Variants in TPTE observed in about 807,000 individuals in gnomAD.
TPTE encodes the protein putative tyrosine-protein phosphatase TPTE.
In TPTE, 59 loss-of-function variants were observed where a neutral mutation model predicts 84.1. The observed-to-expected ratio is 0.70, with a 90% CI of 0.57 to 0.87. The LOEUF (loss-of-function observed/expected upper bound fraction) is 0.87. TPTE is among the 40% of genes least tolerant of loss of function. The probability of loss-of-function intolerance (pLI) is 0.00; values close to 1 mark genes in which losing one functional copy is unlikely to be tolerated. For missense variants in TPTE, 382 were observed against 659.6 expected, an observed-to-expected ratio of 0.58 and a Z score of 4.61; for synonymous variants, 130 against 223.5, an observed-to-expected ratio of 0.58 and a Z score of 3.73.
At chr21:10,552,080 A>G (rs1229309408) in intron 7 of TPTE, among the ~76,000 whole-genome samples, 1 of 152,312 alleles carries the variant, frequency 6.6e-6, no homozygotes, top group East Asian at 1.9e-4. Context: ...GTCAGCAGCC[A>G]TGAACATGGA....
At chr21:10,538,611 C>A in intron 3 of TPTE, 70 bp from the exon 4 acceptor site, 2 of 1,607,624 alleles carry the variant, frequency 1.2e-6, no homozygotes. Flanking sequence ...TTAATGAAAG[C>A]TAGTTTTACC....
At chr21:10,572,808 G>A (rs1342591225) in intron 14 of TPTE, among the ~76,000 whole-genome samples, 1 of 152,300 alleles carries the variant, frequency 6.6e-6, no homozygotes, top group Non-Finnish European at 1.5e-5. Flanking sequence ...AAACACAAAC[G>A]TGTAAAACTC....
At chr21:10,534,832 C>T (rs553487490) in intron 3 of TPTE, among the ~76,000 whole-genome samples, 1 of 152,428 alleles carries the variant, frequency 6.6e-6, no homozygotes, top group East Asian at 1.9e-4. Flanking sequence ...AAGTCTACTT[C>T]TTCCTAGCTG....
At chr21:10,532,285 G>T (rs1188284109) in intron 3 of TPTE, among the ~76,000 whole-genome samples, 10 of 152,416 alleles carry the variant, frequency 6.6e-5, no homozygotes, top group Admixed American at 2.0e-4. Flanking sequence ...TTCCATCTAA[G>T]TTTTCACATT....
chr21:10,597,625 C>T (rs1350064112), intron 20 of TPTE, among the ~76,000 whole-genome samples: 29 of 152,382 alleles, frequency 1.9e-4, no homozygotes, highest in Middle Eastern at 3.4e-3. Context: ...ATCTAGGCCA[C>T]GCTGGTTTAG....
chr21:10,545,732 T>C (rs1233732060), intron 7 of TPTE, among the ~76,000 whole-genome samples: 1 of 151,844 alleles, frequency 6.6e-6, no homozygotes, highest in Non-Finnish European at 1.5e-5. Context: ...TATAGATATA[T>C]AAATATGTAT....
At chr21:10,597,877 C>T (rs1315830274) in intron 20 of TPTE, 138 bp from the exon 21 acceptor site, 8 of 1,225,924 alleles carry the variant, frequency 6.5e-6, no homozygotes, top group African/African-American at 3.0e-5. Flanking sequence ...AAAATCCATG[C>T]AAGACCAAAT....
At chr21:10,604,812 T>A (rs1177414001) in intron 23 of TPTE, among the ~76,000 whole-genome samples, 3 of 152,308 alleles carry the variant, frequency 2.0e-5, no homozygotes, top group Non-Finnish European at 2.9e-5. Context: ...TATTCTTATT[T>A]TATATAAATT....
chr21:10,539,511 A>G (rs1460183468), intron 4 of TPTE, among the ~76,000 whole-genome samples: 4 of 152,310 alleles, frequency 2.6e-5, no homozygotes, highest in Non-Finnish European at 5.9e-5. Flanking sequence ...AGTTGAATTT[A>G]AAAGAAATTC....
chr21:10,541,496 A>G (rs1450832485), intron 5 of TPTE, among the ~76,000 whole-genome samples: 2 of 151,772 alleles, frequency 1.3e-5, no homozygotes, highest in East Asian at 1.9e-4. Context: ...AAAAAGATGC[A>G]CACACACACA....
intron 10 of TPTE, among the ~76,000 whole-genome samples, chr21:10,564,715 C>T (rs903099042): frequency 5.9e-5 from 9 of 152,416 alleles, no homozygotes; most frequent in South Asian, 4.1e-4. Context: ...TCAATCAATG[C>T]GATACATTAT....
intron 3 of TPTE, among the ~76,000 whole-genome samples, chr21:10,537,305 A>G (rs1271907285): frequency 6.6e-6 from 1 of 152,304 alleles, no homozygotes; most frequent in Non-Finnish European, 1.5e-5. Context: ...ATACATATAT[A>G]TATTTAAATT....
At chr21:10,546,996 T>A (rs1007834391) in intron 7 of TPTE, among the ~76,000 whole-genome samples, 1 of 152,308 alleles carries the variant, frequency 6.6e-6, no homozygotes, top group East Asian at 1.9e-4. Flanking sequence ...TAGCCTTTTA[T>A]TGGAAGAAGA....
chr21:10,523,153 C>G (rs1316833954), intron 1 of TPTE, among the ~76,000 whole-genome samples: 3 of 152,302 alleles, frequency 2.0e-5, no homozygotes, highest in African/African-American at 7.2e-5. Context: ...AATAATAATC[C>G]TCTCCATTAC....
intron 10 of TPTE, among the ~76,000 whole-genome samples, chr21:10,564,213 A>T (rs2074868164): frequency 6.6e-6 from 1 of 152,304 alleles, no homozygotes; most frequent in South Asian, 2.1e-4. Context: ...CTCTTCTCCC[A>T]TAAAGACACA....
intron 3 of TPTE, among the ~76,000 whole-genome samples, chr21:10,530,437 C>T (rs2074157654): frequency 1.3e-5 from 2 of 152,308 alleles, no homozygotes; most frequent in Admixed American, 6.5e-5. Flanking sequence ...TTTAAATTTA[C>T]TTAAATGGTA....
Position 10,598,071 on chromosome 21 carries a change from A to AC in TPTE, c.1334dup (p.Ile446TyrfsTer10). On this transcript the variant is annotated frameshift_variant, in exon 21 of 24. Coordinates refer to ENST00000618007, the MANE Select transcript of TPTE (RefSeq NM_199261.4). LOFTEE classifies it high-confidence loss of function. Reference sequence around the variant, plus strand: ...AATGGAGAAAAAGGTTGTCTTTTCCACTATTTCATTAGGAAAATGTTCGGT... The same window carrying AC: ...AATGGAGAAAAAGGTTGTCTTTTCCACCTATTTCATTAGGAAAATGTTCGGT... 1 of 1,613,818 alleles carries AC rather than the reference A, an allele frequency of 6.2e-7. No homozygotes were observed. The highest frequency in any genetic ancestry group is 8.5e-7 in the Non-Finnish European group (1 of 1,179,728).
chr21:10,598,922 C>G (rs1210596904), intron 21 of TPTE, among the ~76,000 whole-genome samples: 2 of 152,306 alleles, frequency 1.3e-5, no homozygotes, highest in African/African-American at 4.8e-5. Flanking sequence ...AGGCCTGACC[C>G]TTGGCTTTGT....
At chr21:10,525,419 C>T (rs553634440) in intron 2 of TPTE, among the ~76,000 whole-genome samples, 1 of 152,424 alleles carries the variant, frequency 6.6e-6, no homozygotes, top group East Asian at 1.9e-4. Flanking sequence ...AGATTTTGGC[C>T]TCTGAAACAT....
Sources: allele counts gnomAD v4.1 joint callset (sites outside exome capture counted in the v4.1 genomes callset), GRCh38; gene constraint gnomAD v4.1.1; transcripts MANE v1.5; gene names NCBI Gene and HGNC (gene_info 2026-07-23, HGNC 2026-07-21).